Variants in PSMD11 observed in about 807,000 individuals in gnomAD.
PSMD11 encodes the protein proteasome 26S subunit, non-ATPase 11.
Under a neutral mutation model 62.3 loss-of-function variants are expected in PSMD11, and 5 were observed. That is an observed-to-expected ratio of 0.08 (90% CI 0.04 to 0.17). The LOEUF is 0.17. PSMD11 is among the 10% of genes least tolerant of loss of function. The probability of loss-of-function intolerance (pLI) is 1.00; values close to 1 mark genes in which losing one functional copy is unlikely to be tolerated. For missense variants in PSMD11, 310 were observed against 512.9 expected, an observed-to-expected ratio of 0.60 and a Z score of 3.82; for synonymous variants, 191 against 191.8, an observed-to-expected ratio of 1.00 and a Z score of 0.03.
intron 5 of PSMD11, among the ~76,000 whole-genome samples, chr17:32,468,555 G>A (rs1261285769): frequency 6.6e-6 from 1 of 152,200 alleles, no homozygotes. Flanking sequence ...GGGGGAGTCA[G>A]GGAAGAAGGT....
chr17:32,465,163 C>T (rs1034712722), intron 5 of PSMD11, among the ~76,000 whole-genome samples: 5 of 151,810 alleles, frequency 3.3e-5, no homozygotes, highest in African/African-American at 4.8e-5. Context: ...CTCTGTTGCC[C>T]AGGCTGGAGT....
chr17:32,480,329 G>A (rs966690605), intron 12 of PSMD11, 132 bp downstream of exon 12: 53 of 1,451,160 alleles, frequency 3.7e-5, no homozygotes, highest in Middle Eastern at 1.8e-4. Context: ...TCTTCCCTGT[G>A]ATGAGAATGT....
intron 2 of PSMD11, among the ~76,000 whole-genome samples, chr17:32,450,856 T>G (rs1029960241): frequency 6.6e-6 from 1 of 151,958 alleles, no homozygotes. Context: ...CCAGGAGTTA[T>G]GTGGACCAGT....
chr17:32,451,120 CAAAAAA>C (rs68054446), intron 2 of PSMD11, among the ~76,000 whole-genome samples: 2 of 106,392 alleles, frequency 1.9e-5, no homozygotes, highest in African/African-American at 6.7e-5. Context: ...GGCTCTTTCT[CAAAAAA>C]AAAAAAAAAG....
At chr17:32,471,912 A>G (rs1462339100) in intron 6 of PSMD11, among the ~76,000 whole-genome samples, 2 of 151,100 alleles carry the variant, frequency 1.3e-5, no homozygotes. Context: ...TTTTTCACCC[A>G]TGCTGCAGTG....
chr17:32,477,668 ATAGTTT>A, intron 9 of PSMD11, 85 bp downstream of exon 9: 1 of 1,277,162 alleles, frequency 7.8e-7, no homozygotes, highest in African/African-American at 1.5e-5. Context: ...AAAAATAATT[ATAGTTT>A]CAAAAGAAGT....
chr17:32,449,818 G>A (rs1037904276), intron 2 of PSMD11, among the ~76,000 whole-genome samples: 12 of 152,168 alleles, frequency 7.9e-5, no homozygotes, highest in African/African-American at 2.7e-4. Context: ...AAATATGTCT[G>A]TTCCATTAAT....
intron 3 of PSMD11, among the ~76,000 whole-genome samples, chr17:32,463,669 G>A (rs1418390272): frequency 7.2e-5 from 11 of 152,154 alleles, no homozygotes; most frequent in Admixed American, 7.2e-4. Flanking sequence ...TATTACCTGT[G>A]TATTATACAT....
chr17:32,448,030 G>A (rs1033275162), intron 2 of PSMD11, among the ~76,000 whole-genome samples: 1 of 151,686 alleles, frequency 6.6e-6, no homozygotes, highest in African/African-American at 2.4e-5. Context: ...ACAGGCACGC[G>A]CCACCAAGCC....
chr17:32,455,985 T>TA (rs1225065093), intron 3 of PSMD11, among the ~76,000 whole-genome samples: 5 of 150,110 alleles, frequency 3.3e-5, no homozygotes, highest in South Asian at 4.2e-4. Context: ...CTACTAAAAA[T>TA]AAAAAAAAAT....
At position 32,473,841 on chromosome 17, in the gene PSMD11, G is replaced by A. The variant is rs35385209; in HGVS notation, c.684G>A (p.Ala228=). The A allele has an allele frequency of 9.1e-4, 1,470 of 1,613,770 alleles. 9 individuals are homozygous for A. In the African/African-American group the frequency reaches 0.016, roughly 18 times the overall value. ...CAGAAGAGAAGGACTGGAAAACTGC[G>A]TACTCATACTTCTATGAGGCATTTG... ...HAAEEKDWKT[A]YSYFYEAFEG... Residue 228 remains alanine, a synonymous_variant, in exon 7 of 14, where the codon GCG becomes GCA. Transcript: ENST00000261712.
At chr17:32,465,273 T>C (rs920260871) in intron 5 of PSMD11, among the ~76,000 whole-genome samples, 2 of 152,064 alleles carry the variant, frequency 1.3e-5, no homozygotes, top group Non-Finnish European at 2.9e-5. Flanking sequence ...GGCATGTGCC[T>C]GGCTAATTTT....
rs1308137079 is a variant in PSMD11 at position 32,481,567 on chromosome 17, TCTC to T, written c.*819_*821del. The T allele has an allele frequency of 6.6e-6, 1 of 151,186 alleles. No homozygotes were observed. The highest frequency in any genetic ancestry group is 2.1e-4 in the South Asian group (1 of 4,782). 9.4% of individuals were successfully genotyped at this position (151,186 alleles called of 1,614,324 possible). ...TCGTCAGTGTTTTAATTGCCCCTCT[TCTC>T]CTCTCCTGCATTCCTCTCCTCTCTT... On this transcript the variant is annotated 3_prime_UTR_variant, in exon 14 of 14. Transcript: ENST00000261712.
chr17:32,482,561 G>C lies in PSMD11; in HGVS notation c.*1809G>C, dbSNP rs1354933299. On this transcript the variant is annotated 3_prime_UTR_variant, in exon 14 of 14. Transcript: ENST00000261712. ...TGGGGGCAAGAAAGTTGGTGTGTGA[G>C]TTCTGAGGTTGGAAATGAGTTCAGG... The C allele has an allele frequency of 6.6e-6, 1 of 152,296 alleles. No individual in the cohort carries two copies. Among genetic ancestry groups the C allele is most frequent in the South Asian group, 2.1e-4 (1 of 4,824 alleles). The allele number at this position is 152,296 out of a possible 1,614,324, so 9.4% of individuals were successfully genotyped here.
chr17:32,454,366 G>T (rs1350122049), intron 2 of PSMD11, 129 bp from the exon 3 acceptor site: 1 of 900,012 alleles, frequency 1.1e-6, no homozygotes, highest in Non-Finnish European at 1.7e-6. Flanking sequence ...TAAACTCCTA[G>T]TAAGTTTCAC....
intron 9 of PSMD11, among the ~76,000 whole-genome samples, chr17:32,478,915 C>T (rs1908409870): frequency 6.6e-6 from 1 of 151,480 alleles, no homozygotes; most frequent in Admixed American, 6.6e-5. Context: ...TTTTTTTTCT[C>T]TTAGAGACTA....
At chr17:32,477,441 A>G in intron 8 of PSMD11, 80 bp from the exon 9 acceptor site, 2 of 1,208,992 alleles carry the variant, frequency 1.7e-6, no homozygotes, top group South Asian at 1.8e-5. Flanking sequence ...TTGTGTGGAC[A>G]CAGCATACTG....
chr17:32,456,411 T>G (rs1907651396), intron 3 of PSMD11, among the ~76,000 whole-genome samples: 1 of 151,762 alleles, frequency 6.6e-6, no homozygotes, highest in Non-Finnish European at 1.5e-5. Flanking sequence ...TCACTCTTGT[T>G]GCCCAGGCTG....
At chr17:32,474,938 GC>G in intron 8 of PSMD11, 114 bp downstream of exon 8, 2 of 958,108 alleles carry the variant, frequency 2.1e-6, no homozygotes, top group Non-Finnish European at 3.3e-6. Context: ...TCTTCCTTCT[GC>G]CCCACTCACT....
Sources: allele counts gnomAD v4.1 joint callset (sites outside exome capture counted in the v4.1 genomes callset), GRCh38; gene constraint gnomAD v4.1.1; transcripts MANE v1.5; gene names NCBI Gene and HGNC (gene_info 2026-07-23, HGNC 2026-07-21).